Variants in PANX1 observed in about 807,000 individuals in gnomAD.
PANX1 encodes pannexin 1.
PANX1 carries 30 observed loss-of-function variants against 38.7 expected under a neutral mutation model. The ratio of observed to expected loss-of-function variants is 0.78; its 90% confidence interval spans 0.58 to 1.05. PANX1 has a LOEUF of 1.05. Ranked by LOEUF, PANX1 falls within the 50% of genes least tolerant of loss-of-function variation. The probability of loss-of-function intolerance (pLI) is 0.00; values close to 1 mark genes in which losing one functional copy is unlikely to be tolerated. For missense variants in PANX1, 551 were observed against 517.2 expected, an observed-to-expected ratio of 1.07 and a Z score of -0.63; for synonymous variants, 230 against 212.2, an observed-to-expected ratio of 1.08 and a Z score of -0.73.
intron 1 of PANX1, among the ~76,000 whole-genome samples, chr11:94,137,616 C>T (rs546964182): frequency 1.3e-5 from 2 of 148,840 alleles, no homozygotes; most frequent in Admixed American, 1.3e-4. Context: ...GAGAAGGGGG[C>T]CTAAAGAGAA....
Position 94,161,788 on chromosome 11 carries a change from A to T in PANX1, c.321+8158A>T, listed in dbSNP as rs541218816. On this transcript the variant is annotated intron_variant, in intron 2 of 4. Transcript: ENST00000227638. ...AGGAGCTGCATTCCTTTGGAGGAGG[A>T]GAGGTGCTCTGATTTTTAGTTTCCA... 2.6e-5 allele frequency among the ~76,000 whole-genome samples: 4 copies of T among 152,188 alleles called. No individual in the cohort carries two copies. The East Asian group carries it at 7.7e-4, about 29-fold the overall frequency.
intron 1 of PANX1, among the ~76,000 whole-genome samples, chr11:94,153,262 A>T (rs773602523): frequency 5.9e-5 from 9 of 151,904 alleles, no homozygotes; most frequent in Non-Finnish European, 5.9e-5. Flanking sequence ...TCTTTTAAGA[A>T]TTTTTCCCCA....
In PANX1 at chr11:94,181,472, TA is replaced by T. The variant is rs967343720; in HGVS notation, c.*604del. 16 of 152,658 alleles carry T rather than the reference TA, an allele frequency of 1.0e-4. No individual in the cohort carries two copies. Among genetic ancestry groups the T allele is most frequent in the African/African-American group, 3.6e-4 (15 of 41,460 alleles). The allele number at this position is 152,658 out of a possible 1,614,324, so 9.5% of individuals were successfully genotyped here. ...TGGCTGATGGAAATCCCGTAACCACTATTTGTTGCACTGTGCCTTGAAGGGC... is the reference window on the plus strand; with the variant it reads ...TGGCTGATGGAAATCCCGTAACCACTTTTGTTGCACTGTGCCTTGAAGGGC... On this transcript the variant is annotated 3_prime_UTR_variant, in exon 5 of 5. Transcript: ENST00000227638.
At chr11:94,133,365 G>A (rs1467425729) in intron 1 of PANX1, among the ~76,000 whole-genome samples, 6 of 152,152 alleles carry the variant, frequency 3.9e-5, no homozygotes, top group African/African-American at 1.4e-4. Context: ...AAGTGATGTG[G>A]TCTGGAGGGG....
intron 1 of PANX1, among the ~76,000 whole-genome samples, chr11:94,136,196 G>GAA (rs879704053): frequency 7.0e-5 from 10 of 143,782 alleles, no homozygotes; most frequent in African/African-American, 2.0e-4. Flanking sequence ...ATAAGTGGAA[G>GAA]AAAAAAAAAA....
chr11:94,170,225 C>A (rs1333938486), intron 2 of PANX1, among the ~76,000 whole-genome samples: 1 of 151,580 alleles, frequency 6.6e-6, no homozygotes, highest in Non-Finnish European at 1.5e-5. Flanking sequence ...TTTCCCCATC[C>A]CCCCAGCCCC....
intron 2 of PANX1, among the ~76,000 whole-genome samples, chr11:94,174,209 G>A (rs1229667008): frequency 6.6e-6 from 1 of 151,486 alleles, no homozygotes; most frequent in Non-Finnish European, 1.5e-5. Flanking sequence ...TTTCCAAACA[G>A]TATCACACTC....
Position 94,180,005 on chromosome 11 carries a change from G to A in PANX1, c.949G>A (p.Val317Ile), listed in dbSNP as rs1423839390. Residue 317 changes from valine to isoleucine, a missense_variant, in exon 4 of 5, where the codon GTT becomes ATT. By Grantham distance (29) the Val-to-Ile change is conservative. Coordinates refer to ENST00000227638, the MANE Select transcript of PANX1 (RefSeq NM_015368.4). ...GTACGAAATCCTCCCCACTTTTGATGTTCTGCATTTCAAATCTGAAGGGTA... is the reference window on the plus strand; with the variant it reads ...GTACGAAATCCTCCCCACTTTTGATATTCTGCATTTCAAATCTGAAGGGTA... ...KVYEILPTFD[V>I]LHFKSEGYND... 4 of 1,597,082 alleles carry A rather than the reference G, an allele frequency of 2.5e-6. No homozygotes were observed. The South Asian group carries it at 3.4e-5, about 13-fold the overall frequency.
At chr11:94,144,302 G>T in intron 1 of PANX1, among the ~76,000 whole-genome samples, 1 of 151,970 alleles carries the variant, frequency 6.6e-6, no homozygotes. Context: ...TAGTGAATGT[G>T]TGACCAGTCT....
chr11:94,153,944 A>C (rs1212376738), intron 2 of PANX1, among the ~76,000 whole-genome samples: 2 of 152,188 alleles, frequency 1.3e-5, no homozygotes, highest in Non-Finnish European at 2.9e-5. Context: ...TTCTTAGTAC[A>C]TTTTGAGTGT....
intron 1 of PANX1, among the ~76,000 whole-genome samples, chr11:94,132,775 T>G (rs1946645545): frequency 6.6e-6 from 1 of 152,248 alleles, no homozygotes; most frequent in Non-Finnish European, 1.5e-5. Context: ...AATTAAATTT[T>G]CTGTCAACTG....
chr11:94,157,158 T>C (rs1448300265), intron 2 of PANX1, among the ~76,000 whole-genome samples: 1 of 152,170 alleles, frequency 6.6e-6, no homozygotes, highest in Admixed American at 6.5e-5. Flanking sequence ...TCCAAGTCTT[T>C]GCTATTGTGA....
chr11:94,174,817 G>T (rs1279953802), intron 2 of PANX1, among the ~76,000 whole-genome samples: 1 of 151,750 alleles, frequency 6.6e-6, no homozygotes, highest in Admixed American at 6.5e-5. Flanking sequence ...GAGGTAGAGA[G>T]GATTTGAATA....
chr11:94,150,661 T>G (rs1430783515), intron 1 of PANX1, among the ~76,000 whole-genome samples: 1 of 152,074 alleles, frequency 6.6e-6, no homozygotes, highest in Non-Finnish European at 1.5e-5. Flanking sequence ...CCCTCCTGCT[T>G]TGCCCCCCTC....
intron 1 of PANX1, among the ~76,000 whole-genome samples, chr11:94,139,221 G>A (rs1397711758): frequency 1.3e-5 from 2 of 152,156 alleles, no homozygotes; most frequent in Non-Finnish European, 2.9e-5. Context: ...GATGTGAGTA[G>A]ATACCTAGGT....
chr11:94,154,108 A>T (rs1158928884), intron 2 of PANX1, among the ~76,000 whole-genome samples: 2 of 152,228 alleles, frequency 1.3e-5, no homozygotes, highest in African/African-American at 4.8e-5. Flanking sequence ...AACATCAAAA[A>T]GCCTAGTGAT....
Position 94,181,228 on chromosome 11 carries a change from G to A in PANX1, c.*359G>A, listed in dbSNP as rs912981924. On this transcript the variant is annotated 3_prime_UTR_variant, in exon 5 of 5. Transcript: ENST00000227638. Reference sequence around the variant, plus strand: ...TGGTGAGACAAGACCCAGAGCTACTGGAAAACAAGCACTTTGGAAGATTTG... The same window carrying A: ...TGGTGAGACAAGACCCAGAGCTACTAGAAAACAAGCACTTTGGAAGATTTG... 1.6e-5 allele frequency: 3 copies of A among 193,014 alleles called. No individual in the cohort carries two copies. Among genetic ancestry groups the A allele is most frequent in the Non-Finnish European group, 3.2e-5 (3 of 94,632 alleles). The allele number at this position is 193,014 out of a possible 1,614,324, so 12.0% of individuals were successfully genotyped here.
intron 1 of PANX1, among the ~76,000 whole-genome samples, chr11:94,130,380 A>G (rs1946614730): frequency 6.6e-6 from 1 of 152,196 alleles, no homozygotes; most frequent in African/African-American, 2.4e-5. Context: ...AGAATGTTAT[A>G]TGTTCCTGGA....
chr11:94,153,740 T>C (rs1371744104), intron 2 of PANX1, 110 bp downstream of exon 2: 10 of 990,076 alleles, frequency 1.0e-5, no homozygotes, highest in South Asian at 1.7e-5. Flanking sequence ...ACCAGTGCTG[T>C]ATCTCAGATT....
Sources: gnomAD v4.1 joint callset for allele counts (sites outside exome capture counted in the v4.1 genomes callset) on GRCh38, gnomAD v4.1.1 for gene constraint, MANE v1.5 for transcripts, NCBI Gene and HGNC (gene_info 2026-07-23, HGNC 2026-07-21) for gene names.